The following GLI3 variants were observed in gnomAD, a reference collection of about 807,000 sequenced individuals.
The protein encoded by GLI3 is transcription activator GLI3.
GLI3 carries 20 observed loss-of-function variants against 100.8 expected under a neutral mutation model. The observed-to-expected ratio is 0.20, with a 90% CI of 0.14 to 0.29. GLI3 has a LOEUF of 0.29. Among genes scored for constraint, GLI3 ranks in the 10% least tolerant of loss-of-function variants. GLI3 has a pLI of 1.00. For missense variants in GLI3, 2,040 were observed against 2,128.5 expected (o/e 0.96, Z 0.82); for synonymous variants, 938 against 860.5 (o/e 1.09, Z -1.58).
rs1787500942 is a variant in GLI3, at chr7:41,976,018, G to A, written c.1812+1540C>T. Among the ~76,000 whole-genome samples, 4 of 152,220 alleles carry A rather than the reference G, an allele frequency of 2.6e-5. No homozygotes were observed. The South Asian group carries it at 6.2e-4, about 24-fold the overall frequency. ...GGCATTAGTACATTCTAGACATTGT[G>A]TAATCATCACCATTACCTAATTCCA... is the stretch of plus-strand genomic sequence containing the variant. On this transcript the variant is annotated intron_variant, in intron 12 of 14. Transcript: ENST00000395925.
At chr7:42,214,474 C>A (rs2108365) in intron 2 of GLI3, among the ~76,000 whole-genome samples, 128,720 of 148,688 alleles carry the variant, frequency 0.87, 55,740 homozygotes, top group Middle Eastern at 0.94. Context: ...AAAAAAGAGA[C>A]AGGAAGAAAG....
chr7:42,205,498 C>T lies in GLI3; in HGVS notation c.124+17632G>A, dbSNP rs1583646403. Among the ~76,000 whole-genome samples, 3 of 152,298 alleles carry T rather than the reference C, an allele frequency of 2.0e-5. 1 individual carries two copies. In the South Asian group the frequency reaches 6.2e-4, roughly 32 times the overall value. ...AGAAAAAGTCACCAAACAACAGATGCCACTCTCAAAGAACAGAGAGGGCAG... is the reference window on the plus strand; with the variant it reads ...AGAAAAAGTCACCAAACAACAGATGTCACTCTCAAAGAACAGAGAGGGCAG... On this transcript the variant is annotated intron_variant, in intron 2 of 14. Transcript: ENST00000395925.
chr7:42,157,483 G>C (rs1034857760), intron 2 of GLI3, among the ~76,000 whole-genome samples: 26 of 152,128 alleles, frequency 1.7e-4, no homozygotes, highest in African/African-American at 6.3e-4. Flanking sequence ...AGCCCCAGGA[G>C]TTCACTCACT....
At chr7:42,097,061 T>C (rs1785356496) in intron 3 of GLI3, among the ~76,000 whole-genome samples, 3 of 151,788 alleles carry the variant, frequency 2.0e-5, no homozygotes, top group Non-Finnish European at 4.4e-5. Flanking sequence ...AGGCATGCAG[T>C]GGGAAATCAG....
chr7:42,208,014 C>A (rs144201328), intron 2 of GLI3, among the ~76,000 whole-genome samples: 1 of 152,050 alleles, frequency 6.6e-6, no homozygotes, highest in Non-Finnish European at 1.5e-5. Flanking sequence ...CAAAAATTAG[C>A]GAGGCGTGGT....
chr7:42,128,213 G>C (rs1240192266), intron 3 of GLI3, among the ~76,000 whole-genome samples: 2 of 152,110 alleles, frequency 1.3e-5, no homozygotes, highest in African/African-American at 4.8e-5. Flanking sequence ...TTAAGACACA[G>C]TTTGACAGCA....
chr7:42,228,812 C>T (rs115010459), intron 1 of GLI3, among the ~76,000 whole-genome samples: 4,527 of 152,282 alleles, frequency 0.03, 212 homozygotes, highest in African/African-American at 0.1. Flanking sequence ...GATTCAAGTG[C>T]TGTGAATGGC....
At chr7:42,016,296 G>A (rs879840885) in intron 10 of GLI3, among the ~76,000 whole-genome samples, 4 of 152,082 alleles carry the variant, frequency 2.6e-5, no homozygotes, top group African/African-American at 7.2e-5. Flanking sequence ...AACCCAGAGC[G>A]CCGCTCCAGT....
At chr7:42,215,560 A>C (rs567337815) in intron 2 of GLI3, among the ~76,000 whole-genome samples, 2 of 152,146 alleles carry the variant, frequency 1.3e-5, no homozygotes, top group African/African-American at 4.8e-5. Context: ...TGTTTCTGGA[A>C]ATTTGAAATG....
chr7:42,057,149 T>C (rs1408951579), intron 4 of GLI3, among the ~76,000 whole-genome samples: 1 of 152,244 alleles, frequency 6.6e-6, no homozygotes, highest in African/African-American at 2.4e-5. Context: ...TCAGGCATTA[T>C]GCACTTCTTA....
intron 12 of GLI3, among the ~76,000 whole-genome samples, chr7:41,974,753 C>T (rs1787463538): frequency 6.6e-6 from 1 of 152,184 alleles, no homozygotes; most frequent in Non-Finnish European, 1.5e-5. Context: ...ACATGAAGTG[C>T]TTACCAGGAT....
At chr7:42,173,033 C>A (rs1345749106) in intron 2 of GLI3, among the ~76,000 whole-genome samples, 1 of 152,208 alleles carries the variant, frequency 6.6e-6, no homozygotes, top group Non-Finnish European at 1.5e-5. Context: ...GGGTAGCCCA[C>A]TGAGCACACT....
intron 1 of GLI3, among the ~76,000 whole-genome samples, chr7:42,246,805 C>CTTTT (rs71006467): frequency 0.028 from 2,646 of 94,620 alleles, 390 homozygotes; most frequent in Non-Finnish European, 0.04. Context: ...ATGATAGAAT[C>CTTTT]TTTTTTTTTT....
chr7:42,219,558 C>T (rs927556560), intron 2 of GLI3, among the ~76,000 whole-genome samples: 2 of 152,042 alleles, frequency 1.3e-5, no homozygotes, highest in Non-Finnish European at 2.9e-5. Context: ...TGTGGGTCTG[C>T]GTATGTTTAA....
intron 3 of GLI3, among the ~76,000 whole-genome samples, chr7:42,110,342 C>G (rs887199192): frequency 6.6e-6 from 1 of 152,196 alleles, no homozygotes; most frequent in African/African-American, 2.4e-5. Flanking sequence ...TCCATTCATT[C>G]ATATTTTCAT....
At chr7:42,007,518 G>A (rs147629056) in intron 10 of GLI3, among the ~76,000 whole-genome samples, 3 of 152,086 alleles carry the variant, frequency 2.0e-5, no homozygotes, top group African/African-American at 7.2e-5. Flanking sequence ...GGAAAAAAAC[G>A]CCTTTCCTGG....
intron 10 of GLI3, among the ~76,000 whole-genome samples, chr7:42,004,605 AT>A (rs1394011038): frequency 1.2e-4 from 18 of 152,306 alleles, no homozygotes; most frequent in African/African-American, 4.3e-4. Context: ...AATGAAAAAA[AT>A]ATATACTCCA....
At chr7:42,170,757 TA>T (rs1175360469) in intron 2 of GLI3, among the ~76,000 whole-genome samples, 1 of 152,122 alleles carries the variant, frequency 6.6e-6, no homozygotes, top group Admixed American at 6.6e-5. Flanking sequence ...TAATGGTAAA[TA>T]AAAGAGATGC....
intron 3 of GLI3, among the ~76,000 whole-genome samples, chr7:42,080,201 G>A (rs1784969481): frequency 6.6e-6 from 1 of 152,146 alleles, no homozygotes; most frequent in African/African-American, 2.4e-5. Flanking sequence ...ATAAATTTGA[G>A]AGGAAAATAT....
Sources: allele counts gnomAD v4.1 joint callset (sites outside exome capture counted in the v4.1 genomes callset), GRCh38; gene constraint gnomAD v4.1.1; transcripts MANE v1.5; gene names NCBI Gene and HGNC (gene_info 2026-07-23, HGNC 2026-07-21).